Variants in GPC5 observed in about 807,000 individuals in gnomAD.
The protein encoded by GPC5 is glypican-5.
A neutral mutation model predicts 53.9 loss-of-function variants in GPC5; 47 were observed. The observed-to-expected ratio is 0.87, with a 90% CI of 0.69 to 1.11. The LOEUF (loss-of-function observed/expected upper bound fraction) is 1.11, where lower values mean the gene tolerates loss of function less well. Ranked by LOEUF, GPC5 falls within the 50% of genes most tolerant of loss-of-function variation. The pLI, the probability that GPC5 is intolerant of heterozygous loss-of-function variation, is 0.00. For synonymous variants in GPC5, 286 were observed against 263.3 expected, an observed-to-expected ratio of 1.09 and a Z score of -0.84; for missense variants, 748 against 713.1, an observed-to-expected ratio of 1.05 and a Z score of -0.56.
At chr13:91,746,016 A>G (rs1003010866) in intron 4 of GPC5, among the ~76,000 whole-genome samples, 1 of 152,238 alleles carries the variant, frequency 6.6e-6, no homozygotes, top group Non-Finnish European at 1.5e-5. Context: ...GTCAAATAGA[A>G]TGACAGGTGA....
chr13:92,671,839 A>T lies in GPC5; in HGVS notation c.1562-194443A>T, dbSNP rs191239453. On this transcript the variant is annotated intron_variant, in intron 7 of 7. Transcript: ENST00000377067. ...ACGATTGAGAGTGGTTTCCATATTTAAAAAGGATAAATAAACTGTTCTGTG... is the reference window on the plus strand; with the variant it reads ...ACGATTGAGAGTGGTTTCCATATTTTAAAAGGATAAATAAACTGTTCTGTG... 3.6e-4 allele frequency among the ~76,000 whole-genome samples: 55 copies of T among 152,328 alleles called. 1 individual carries two copies. The East Asian group carries it at 7.5e-3, about 21-fold the overall frequency.
At chr13:92,840,074 CATACATATAT>C (rs1335536827) in intron 7 of GPC5, among the ~76,000 whole-genome samples, 1 of 72,122 alleles carries the variant, frequency 1.4e-5, no homozygotes, top group Non-Finnish European at 2.8e-5. Context: ...TTCATATATA[CATACATATAT>C]ATATATATAT....
At chr13:92,611,238 A>C (rs2139095421) in intron 7 of GPC5, among the ~76,000 whole-genome samples, 1 of 152,312 alleles carries the variant, frequency 6.6e-6, no homozygotes, top group East Asian at 1.9e-4. Context: ...TAACTAATAT[A>C]ATTAATTGCA....
At chr13:91,852,323 A>T (rs988355678) in intron 5 of GPC5, among the ~76,000 whole-genome samples, 5 of 152,110 alleles carry the variant, frequency 3.3e-5, no homozygotes, top group African/African-American at 9.7e-5. Flanking sequence ...GATCATCAAT[A>T]TCACCGTCTT....
intron 1 of GPC5, among the ~76,000 whole-genome samples, chr13:91,445,291 T>C (rs566212506): frequency 6.6e-6 from 1 of 152,290 alleles, no homozygotes; most frequent in African/African-American, 2.4e-5. Context: ...TACACTGCCA[T>C]ACCAGGACAG....
chr13:91,403,924 ATAT>A (rs1486492502), intron 1 of GPC5, among the ~76,000 whole-genome samples: 1 of 152,160 alleles, frequency 6.6e-6, no homozygotes. Context: ...TCAACTACAA[ATAT>A]TATATATGTC....
At chr13:91,413,131 A>G (rs1877931685) in intron 1 of GPC5, among the ~76,000 whole-genome samples, 1 of 152,208 alleles carries the variant, frequency 6.6e-6, no homozygotes. Flanking sequence ...AAATTAAAAA[A>G]TCAACCAGGT....
intron 7 of GPC5, among the ~76,000 whole-genome samples, chr13:92,225,704 T>G (rs2182533): frequency 6.6e-6 from 1 of 151,956 alleles, no homozygotes; most frequent in African/African-American, 2.4e-5. Context: ...ACATGCATCA[T>G]AATATGAACT....
At chr13:92,397,396 A>G (rs894554450) in intron 7 of GPC5, among the ~76,000 whole-genome samples, 5 of 152,204 alleles carry the variant, frequency 3.3e-5, no homozygotes, top group African/African-American at 1.2e-4. Context: ...TGTGGAAGAT[A>G]CGCCTTTCAT....
intron 7 of GPC5, among the ~76,000 whole-genome samples, chr13:92,453,699 A>AC (rs1407273194): frequency 6.6e-6 from 1 of 152,094 alleles, no homozygotes; most frequent in Non-Finnish European, 1.5e-5. Context: ...AAAAAATAAT[A>AC]CCGGTATGTA....
At position 91,779,852 on chromosome 13, in the gene GPC5, C is replaced by T. The variant is rs561672920; in HGVS notation, c.1280+23432C>T. Among the ~76,000 whole-genome samples the T allele has an allele frequency of 8.6e-5, 13 of 152,030 alleles. No homozygotes were observed. In the South Asian group the frequency reaches 1.5e-3, roughly 17 times the overall value. ...ATAACAATGTCTTTTTCTGGAATACCTCCTTAAGGACCGGCCTGAGGTGGT... is the reference window on the plus strand; with the variant it reads ...ATAACAATGTCTTTTTCTGGAATACTTCCTTAAGGACCGGCCTGAGGTGGT... On this transcript the variant is annotated intron_variant, in intron 5 of 7. Transcript: ENST00000377067.
At chr13:91,978,621 C>A (rs1012457049) in intron 6 of GPC5, among the ~76,000 whole-genome samples, 1 of 152,104 alleles carries the variant, frequency 6.6e-6, no homozygotes, top group African/African-American at 2.4e-5. Flanking sequence ...ATCAGATTTC[C>A]CTAAGTAGAG....
intron 7 of GPC5, among the ~76,000 whole-genome samples, chr13:92,389,288 A>T (rs902323306): frequency 5.9e-5 from 9 of 152,148 alleles, no homozygotes; most frequent in African/African-American, 1.9e-4. Flanking sequence ...TGATATACAT[A>T]AGATCACACC....
intron 7 of GPC5, among the ~76,000 whole-genome samples, chr13:92,453,599 G>A (rs1878150146): frequency 6.6e-6 from 1 of 152,144 alleles, no homozygotes; most frequent in Admixed American, 6.5e-5. Flanking sequence ...GCATTGCAAT[G>A]TTTTGACATT....
At chr13:92,170,380 T>A (rs1285536239) in intron 7 of GPC5, among the ~76,000 whole-genome samples, 2 of 150,766 alleles carry the variant, frequency 1.3e-5, no homozygotes, top group Non-Finnish European at 3.0e-5. Context: ...GGACTTCCTA[T>A]ACCCACAAAG....
At chr13:92,373,699 G>A (rs558116888) in intron 7 of GPC5, among the ~76,000 whole-genome samples, 23 of 152,298 alleles carry the variant, frequency 1.5e-4, no homozygotes, top group African/African-American at 5.5e-4. Context: ...AGCACAGCAT[G>A]AGGTTATAAA....
chr13:92,177,142 C>A (rs2042114457), intron 7 of GPC5, among the ~76,000 whole-genome samples: 1 of 152,164 alleles, frequency 6.6e-6, no homozygotes, highest in Admixed American at 6.5e-5. Context: ...AACTTCTTGG[C>A]TTACAGACCC....
At chr13:91,717,819 T>G (rs1054257467) in intron 3 of GPC5, among the ~76,000 whole-genome samples, 1 of 152,032 alleles carries the variant, frequency 6.6e-6, no homozygotes, top group Non-Finnish European at 1.5e-5. Context: ...CTTCCCAAAG[T>G]GCTGGGATTA....
chr13:92,564,291 C>G (rs1882796936), intron 7 of GPC5, among the ~76,000 whole-genome samples: 1 of 151,882 alleles, frequency 6.6e-6, no homozygotes, highest in Non-Finnish European at 1.5e-5. Context: ...ATGGATCCAT[C>G]TGTGAAACAA....
Sources: allele counts gnomAD v4.1 joint callset (sites outside exome capture counted in the v4.1 genomes callset), GRCh38; gene constraint gnomAD v4.1.1; transcripts MANE v1.5; gene names NCBI Gene and HGNC (gene_info 2026-07-23, HGNC 2026-07-21).